SEMA3A: variants seen among roughly 807,000 people sequenced by gnomAD.
SEMA3A encodes semaphorin 3A.
A neutral mutation model predicts 97.9 loss-of-function variants in SEMA3A; 29 were observed. The observed-to-expected ratio is 0.30, with a 90% CI of 0.22 to 0.40. The LOEUF (loss-of-function observed/expected upper bound fraction) is 0.40. Among genes scored for constraint, SEMA3A ranks in the 10% least tolerant of loss-of-function variants. The pLI, the probability that SEMA3A is intolerant of heterozygous loss-of-function variation, is 1.00. For missense variants in SEMA3A, 763 were observed against 951.3 expected, an observed-to-expected ratio of 0.80 and a Z score of 2.60; for synonymous variants, 321 against 323.7, an observed-to-expected ratio of 0.99 and a Z score of 0.09.
At chr7:84,173,592 A>T (rs1253773491) in intron 1 of SEMA3A, among the ~76,000 whole-genome samples, 1 of 151,930 alleles carries the variant, frequency 6.6e-6, no homozygotes, top group East Asian at 1.9e-4. Context: ...AATTTACAAA[A>T]ATTGTTGTTT....
At chr7:84,111,029 CA>C (rs1273871645) in intron 3 of SEMA3A, among the ~76,000 whole-genome samples, 2 of 151,872 alleles carry the variant, frequency 1.3e-5, no homozygotes, top group East Asian at 3.9e-4. Flanking sequence ...GAAAAGAAAA[CA>C]AAAATATAAT....
intron 12 of SEMA3A, among the ~76,000 whole-genome samples, chr7:83,993,423 C>T (rs1790052653): frequency 6.6e-6 from 1 of 151,842 alleles, no homozygotes; most frequent in Admixed American, 6.6e-5. Flanking sequence ...ATGGTGTTTA[C>T]ATTTTGGCAT....
intron 16 of SEMA3A, among the ~76,000 whole-genome samples, chr7:83,962,358 T>C (rs977349965): frequency 6.6e-6 from 1 of 152,156 alleles, no homozygotes; most frequent in Non-Finnish European, 1.5e-5. Context: ...TTTTTGAATA[T>C]TTGTAACCTC....
chr7:84,071,369 A>G (rs2372029), intron 4 of SEMA3A, among the ~76,000 whole-genome samples: 19,214 of 152,180 alleles, frequency 0.13, 1,285 homozygotes, highest in South Asian at 0.15. Flanking sequence ...GATCACAATC[A>G]TACTAGAAAA....
At chr7:84,015,972 A>G (rs1411437716) in intron 6 of SEMA3A, among the ~76,000 whole-genome samples, 1 of 152,164 alleles carries the variant, frequency 6.6e-6, no homozygotes, top group Non-Finnish European at 1.5e-5. Context: ...AGCTTTTTTA[A>G]AAGATCCATA....
chr7:84,070,159 C>G (rs1478772574), intron 4 of SEMA3A, among the ~76,000 whole-genome samples: 1 of 152,122 alleles, frequency 6.6e-6, no homozygotes, highest in Admixed American at 6.6e-5. Context: ...ATGAATAAAA[C>G]TTTAGCTATA....
intron 3 of SEMA3A, among the ~76,000 whole-genome samples, chr7:84,122,879 T>C (rs923466899): frequency 5.9e-5 from 9 of 152,096 alleles, no homozygotes; most frequent in African/African-American, 2.2e-4. Flanking sequence ...AGGACAAATA[T>C]ATAAAAATAA....
In SEMA3A at chr7:84,014,734, TATTA is replaced by T. The variant is rs1163205465; in HGVS notation, c.668-387_668-384del. ...TTAAGCATAAGAATTTAAATCAAAA[TATTA>T]ATTGGTCTATTTCAGTTTTCAGCAA... On this transcript the variant is annotated intron_variant, in intron 6 of 16. Transcript: ENST00000265362. Among the ~76,000 whole-genome samples the T allele has an allele frequency of 5.3e-5, 8 of 152,136 alleles. No homozygotes were observed. The East Asian group carries it at 1.3e-3, about 26-fold the overall frequency.
At chr7:84,441,455 A>G (rs1432471942) in intron 1 of SEMA3A, among the ~76,000 whole-genome samples, 1 of 152,010 alleles carries the variant, frequency 6.6e-6, no homozygotes, top group Non-Finnish European at 1.5e-5. Flanking sequence ...AGGCAAAATA[A>G]AGAATTAGTG....
chr7:84,347,471 G>A (rs1447523252), intron 2 of SEMA3A, among the ~76,000 whole-genome samples: 1 of 150,728 alleles, frequency 6.6e-6, no homozygotes, highest in African/African-American at 2.4e-5. Flanking sequence ...GAGTGCAATG[G>A]CGCGATCTCA....
At chr7:83,963,179 TG>T (rs1334312038) in intron 16 of SEMA3A, 25 bp downstream of exon 16, 15 of 1,610,170 alleles carry the variant, frequency 9.3e-6, no homozygotes, top group Non-Finnish European at 1.3e-5. Flanking sequence ...TAGATATAAA[TG>T]ATCCAGTCAG....
At position 84,060,486 on chromosome 7, in the gene SEMA3A, G is replaced by A. The variant is rs1793172127; in HGVS notation, c.526C>T (p.Leu176=). The change falls in exon 5 of 17, where the codon CTG becomes TTG. Residue 176 remains leucine (L), a synonymous_variant. Transcript: ENST00000265362. ...RGKSPYDPKL[L]TASLLIDGEL... ...GCACCTATTAAAAGGGATGCTGTCA[G>A]CAGCTTAGGGTCATATGGACTCTTC... 1.9e-6 allele frequency: 3 copies of A among 1,586,696 alleles called. No individual in the cohort carries two copies. In the South Asian group the frequency reaches 3.5e-5, roughly 19 times the overall value.
rs534069768 is a variant in SEMA3A at position 84,240,706 on chromosome 7, A to G, written c.-82-46038T>C. On this transcript the variant is annotated intron_variant, in intron 3 of 3. Transcript: ENST00000424555. The stretch of plus-strand genomic sequence containing the variant: ...TGTGCCATGGTGGTTTGCTGCACTC[A>G]TCAACCCATCATGTACATTAGGTGT... Among the ~76,000 whole-genome samples, 4 of 152,210 alleles carry G rather than the reference A, an allele frequency of 2.6e-5. No homozygotes were observed. The East Asian group carries it at 7.7e-4, about 29-fold the overall frequency.
At chr7:84,285,948 A>G (rs894341497) in intron 3 of SEMA3A, among the ~76,000 whole-genome samples, 2 of 148,938 alleles carry the variant, frequency 1.3e-5, no homozygotes, top group African/African-American at 5.0e-5. Flanking sequence ...TAGAGCCTGC[A>G]TAACAGAATC....
intron 1 of SEMA3A, among the ~76,000 whole-genome samples, chr7:84,143,799 CAA>C (rs71522691): frequency 2.9e-4 from 42 of 145,630 alleles, no homozygotes; most frequent in Non-Finnish European, 5.1e-4. Context: ...GAGACCCTGT[CAA>C]AAAAAAAAAG....
intron 13 of SEMA3A, among the ~76,000 whole-genome samples, chr7:83,984,608 CT>C (rs371082897): frequency 2.1e-3 from 212 of 98,868 alleles, no homozygotes; most frequent in Non-Finnish European, 2.4e-3. Flanking sequence ...GATTTTTCTG[CT>C]TTTTTTTTTT....
intron 1 of SEMA3A, among the ~76,000 whole-genome samples, chr7:84,154,093 T>C (rs1283445564): frequency 1.3e-5 from 2 of 152,126 alleles, no homozygotes; most frequent in Admixed American, 6.5e-5. Flanking sequence ...CATTTTCTTA[T>C]AGAAATCTTA....
intron 3 of SEMA3A, among the ~76,000 whole-genome samples, chr7:84,217,355 G>T (rs1172959544): frequency 2.0e-5 from 3 of 152,172 alleles, no homozygotes; most frequent in Admixed American, 2.0e-4. Flanking sequence ...TGTTGATGAT[G>T]CATTGACAGG....
intron 2 of SEMA3A, among the ~76,000 whole-genome samples, chr7:84,316,020 A>T (rs574514987): frequency 3.3e-5 from 5 of 150,434 alleles, no homozygotes; most frequent in African/African-American, 1.2e-4. Context: ...GAATGGGAGC[A>T]GTGGTGCACA....
Sources: allele counts gnomAD v4.1 joint callset (sites outside exome capture counted in the v4.1 genomes callset), GRCh38; gene constraint gnomAD v4.1.1; transcripts MANE v1.5; gene names NCBI Gene and HGNC (gene_info 2026-07-23, HGNC 2026-07-21).